LCORL: variants seen among roughly 807,000 people sequenced by gnomAD.
LCORL encodes ligand dependent nuclear receptor corepressor like, also known as ligand-dependent nuclear receptor corepressor-like protein.
A neutral mutation model predicts 141.8 loss-of-function variants in LCORL; 41 were observed. That is an observed-to-expected ratio of 0.29 (90% CI 0.23 to 0.38). The LOEUF (loss-of-function observed/expected upper bound fraction) is 0.38, where lower values mean the gene tolerates loss of function less well. Among genes scored for constraint, LCORL ranks in the 10% least tolerant of loss-of-function variants. The pLI, the probability that LCORL is intolerant of heterozygous loss-of-function variation, is 1.00. For synonymous variants in LCORL, 618 were observed against 694.1 expected (o/e 0.89, Z 1.72); for missense variants, 1,759 against 2,035.0 (o/e 0.86, Z 2.61).
At position 17,963,169 on chromosome 4, in the gene LCORL, G is replaced by A. The variant is rs1714188140; in HGVS notation, c.221-120C>T. The stretch of plus-strand genomic sequence containing the variant: ...TTTTAAAAAACTAACAGTAATGGGA[G>A]AAGAACTAACTTTAAAATTAAACTC... On this transcript the variant is annotated intron_variant, in intron 2 of 7. Transcript: ENST00000635767. 8.4e-6 allele frequency: 4 copies of A among 476,028 alleles called. No individual in the cohort carries two copies. The South Asian group carries it at 2.1e-4, about 25-fold the overall frequency. The allele number at this position is 476,028 out of a possible 1,614,324, so 29.5% of individuals were successfully genotyped here. A position where few individuals can be genotyped will look rare whatever the true frequency, so the allele number is the denominator to read the frequency against.
intron 4 of LCORL, among the ~76,000 whole-genome samples, chr4:17,919,199 AG>A (rs1221510086): frequency 6.6e-6 from 1 of 152,216 alleles, no homozygotes; most frequent in African/African-American, 2.4e-5. Context: ...AATTGACTCA[AG>A]AAGTAACAGA....
exon 7 of LCORL, chr4:17,873,944 A>T (rs1726644751): frequency 8.1e-7 from 1 of 1,233,830 alleles, no homozygotes; most frequent in Admixed American, 4.2e-5. Context: ...CAAAACTAGC[A>T]TGTATTTTGA....
Position 17,997,021 on chromosome 4 carries a change from C to T in LCORL, c.155-24136G>A, listed in dbSNP as rs527646222. ...CTTATAAGAAACAACTAACCCATGA[C>T]GCTGTTTAAACATTTGAACTTTTGC... On this transcript the variant is annotated intron_variant, in intron 1 of 7. Coordinates refer to ENST00000635767, the Ensembl canonical transcript of LCORL. Among the ~76,000 whole-genome samples, 5 of 152,250 alleles carry T rather than the reference C, an allele frequency of 3.3e-5. No individual in the cohort carries two copies. In the East Asian group the frequency reaches 9.6e-4, roughly 29 times the overall value.
At chr4:17,996,652 T>A (rs1322161000) in intron 1 of LCORL, among the ~76,000 whole-genome samples, 1 of 152,006 alleles carries the variant, frequency 6.6e-6, no homozygotes, top group Non-Finnish European at 1.5e-5. Flanking sequence ...TATATTCCTC[T>A]GTAAAATTTC....
chr4:17,864,274 G>T (rs1205345849), intron 7 of LCORL, among the ~76,000 whole-genome samples: 1 of 152,062 alleles, frequency 6.6e-6, no homozygotes, highest in Non-Finnish European at 1.5e-5. Flanking sequence ...GCCCAGCCTG[G>T]AGTACCATGG....
At chr4:17,957,544 G>A (rs1473324017) in intron 4 of LCORL, among the ~76,000 whole-genome samples, 2 of 151,870 alleles carry the variant, frequency 1.3e-5, no homozygotes, top group East Asian at 3.9e-4. Context: ...AAAGCCAAAG[G>A]AAGAGGAGAA....
At chr4:17,845,128 T>C (rs1234862682) in exon 8 of LCORL, 1 of 152,500 alleles carries the variant, frequency 6.6e-6, no homozygotes, top group Non-Finnish European at 1.5e-5. Flanking sequence ...AATTGTGCCA[T>C]TGCTCTTAAA....
chr4:17,909,685 CTCAG>C (rs1204716147), intron 4 of LCORL, among the ~76,000 whole-genome samples: 1 of 152,078 alleles, frequency 6.6e-6, no homozygotes, highest in African/African-American at 2.4e-5. Context: ...CATTAAAACA[CTCAG>C]TATGTGAATA....
At chr4:17,961,731 C>T (rs531335432) in intron 4 of LCORL, among the ~76,000 whole-genome samples, 172 bp downstream of exon 4, 2 of 151,772 alleles carry the variant, frequency 1.3e-5, no homozygotes, top group Admixed American at 1.3e-4. Context: ...AAGACTAGTA[C>T]TAGAATGATT....
At chr4:17,946,311 T>C (rs971702078) in intron 4 of LCORL, among the ~76,000 whole-genome samples, 1 of 151,998 alleles carries the variant, frequency 6.6e-6, no homozygotes, top group Non-Finnish European at 1.5e-5. Flanking sequence ...GTATATGGTA[T>C]CCTAAAATTT....
At chr4:17,946,631 T>A (rs531777891) in intron 4 of LCORL, among the ~76,000 whole-genome samples, 1 of 151,930 alleles carries the variant, frequency 6.6e-6, no homozygotes, top group Non-Finnish European at 1.5e-5. Context: ...AAGAAGATAA[T>A]GACAAAATAG....
Position 17,970,869 on chromosome 4 carries a change from T to C in LCORL, c.220+1951A>G, listed in dbSNP as rs1170283620. ...ATATGTCAAAGAAAGTGTTTATACA[T>C]ATGAGAACCCAAATAAAATTCTATT... On this transcript the variant is annotated intron_variant, in intron 2 of 7. Transcript: ENST00000635767. Among the ~76,000 whole-genome samples the C allele has an allele frequency of 2.0e-5, 3 of 152,192 alleles. No homozygotes were observed. The East Asian group carries it at 5.8e-4, about 29-fold the overall frequency.
At chr4:18,011,616 C>G (rs1723805585) in intron 1 of LCORL, among the ~76,000 whole-genome samples, 1 of 152,170 alleles carries the variant, frequency 6.6e-6, no homozygotes, top group Non-Finnish European at 1.5e-5. Context: ...CCCATTCCCT[C>G]CACTCTACTT....
chr4:17,875,696 TC>T lies in LCORL; in HGVS notation c.3293del (p.Arg1098AsnfsTer34). The T allele has an allele frequency of 8.1e-7, 1 of 1,231,364 alleles. No individual in the cohort carries two copies. Among genetic ancestry groups the T allele is most frequent in the Non-Finnish European group, 1.0e-6 (1 of 987,446 alleles). 76.3% of individuals were successfully genotyped at this position (1,231,364 alleles called of 1,614,324 possible). On this transcript the variant is annotated frameshift_variant, in exon 7 of 8. Coordinates refer to ENST00000635767, the Ensembl canonical transcript of LCORL. LOFTEE classifies it high-confidence loss of function. ...TTTGATCAATTTTAGGCTTTGGTGGTCTTCCAATTGGTCGCTTAATCTGTTT... is the reference window on the plus strand; with the variant it reads ...TTTGATCAATTTTAGGCTTTGGTGGTTTCCAATTGGTCGCTTAATCTGTTT...
exon 8 of LCORL, chr4:17,844,020 T>TAA (rs1722685463): frequency 6.6e-6 from 1 of 152,032 alleles, no homozygotes; most frequent in African/African-American, 2.4e-5. Context: ...CTTCCTAAAG[T>TAA]ATTTGTATAT....
chr4:17,914,958 C>T (rs531889021), intron 4 of LCORL, among the ~76,000 whole-genome samples: 4 of 152,078 alleles, frequency 2.6e-5, no homozygotes, highest in African/African-American at 7.2e-5. Flanking sequence ...TAACCAATAG[C>T]GTACTGCCCA....
chr4:17,921,243 A>G (rs6813340), intron 4 of LCORL, among the ~76,000 whole-genome samples: 32,266 of 151,646 alleles, frequency 0.21, 3,990 homozygotes, highest in African/African-American at 0.34. Context: ...GGCCAGGATG[A>G]TCTCAAACTC....
In LCORL at chr4:17,843,281, G is replaced by C. The variant is rs199720084; in HGVS notation, c.*2607C>G. 1.9e-6 allele frequency: 3 copies of C among 1,597,644 alleles called. No individual in the cohort carries two copies. The African/African-American group carries it at 4.0e-5, about 22-fold the overall frequency. On this transcript the variant is annotated 3_prime_UTR_variant, in exon 8 of 8. Coordinates refer to ENST00000635767, the Ensembl canonical transcript of LCORL. ...TTTTAAAGCTTGTATCTAAATTCGTGTATTTTCAACATCTATTTAGTGATC... is the reference window on the plus strand; with the variant it reads ...TTTTAAAGCTTGTATCTAAATTCGTCTATTTTCAACATCTATTTAGTGATC...
Position 18,021,771 on chromosome 4 carries a change from C to T in LCORL, c.-20G>A. 1 of 1,479,742 alleles carries T rather than the reference C, an allele frequency of 6.8e-7. No individual in the cohort carries two copies. The highest frequency in any genetic ancestry group is 8.9e-7 in the Non-Finnish European group (1 of 1,121,384). The allele number at this position is 1,479,742 out of a possible 1,614,324, so 91.7% of individuals were successfully genotyped here. On this transcript the variant is annotated 5_prime_UTR_variant, in exon 1 of 8. Coordinates refer to ENST00000635767, the Ensembl canonical transcript of LCORL. This position sits in a 1 kb window ranked among gnomAD's most constrained non-coding sequence, Gnocchi z 5.5. Reference sequence around the variant, plus strand: ...GTCCATCTGCGTCCCGCGTCACGCGCCCTCATTTACATACGAGCAGCGCAG... The same window carrying T: ...GTCCATCTGCGTCCCGCGTCACGCGTCCTCATTTACATACGAGCAGCGCAG...
Sources: gnomAD v4.1 joint callset for allele counts (sites outside exome capture counted in the v4.1 genomes callset) on GRCh38, gnomAD v4.1.1 for gene constraint, Gnocchi (gnomAD v3.1) non-coding constraint, MANE v1.5 for transcripts, NCBI Gene and HGNC (gene_info 2026-07-23, HGNC 2026-07-21) for gene names.